Variants in HEPHL1 observed in about 807,000 individuals in gnomAD.
HEPHL1 encodes hephaestin like 1, also known as ferroxidase HEPHL1.
HEPHL1 carries 123 observed loss-of-function variants against 122.0 expected under a neutral mutation model. The ratio of observed to expected loss-of-function variants is 1.01; its 90% CI spans 0.87 to 1.17. The LOEUF (loss-of-function observed/expected upper bound fraction) is 1.17. Ranked by LOEUF, HEPHL1 falls within the 50% of genes most tolerant of loss-of-function variation. The pLI is 0.00. For synonymous variants in HEPHL1, 527 were observed against 508.9 expected (o/e 1.04, Z -0.48); for missense variants, 1,452 against 1,430.5 (o/e 1.01, Z -0.24).
chr11:94,045,618 C>G (rs1945826896), intron 1 of HEPHL1, 55 bp from the exon 2 acceptor site: 5 of 1,447,126 alleles, frequency 3.5e-6, no homozygotes, highest in Non-Finnish European at 3.8e-6. Context: ...TAGTGGTAAG[C>G]TATTAGGTCT....
intron 2 of HEPHL1, among the ~76,000 whole-genome samples, chr11:94,056,205 T>A (rs1206541117): frequency 2.0e-5 from 3 of 152,210 alleles, no homozygotes; most frequent in African/African-American, 7.2e-5. Flanking sequence ...TTACTTTTGC[T>A]ATTTGAATTA....
intron 2 of HEPHL1, chr11:94,055,811 G>T: frequency 2.3e-6 from 1 of 440,608 alleles, no homozygotes; most frequent in South Asian, 2.1e-5. Context: ...ATGAGAAAAT[G>T]AGTTCCTTTC....
intron 1 of HEPHL1, among the ~76,000 whole-genome samples, chr11:94,025,404 G>T (rs1945616077): frequency 6.6e-6 from 1 of 152,090 alleles, no homozygotes; most frequent in South Asian, 2.1e-4. Context: ...GTGTGTGTTT[G>T]GTGGTAAAGC....
At chr11:94,031,961 C>T (rs1301832913) in intron 1 of HEPHL1, among the ~76,000 whole-genome samples, 1 of 152,238 alleles carries the variant, frequency 6.6e-6, no homozygotes, top group Non-Finnish European at 1.5e-5. Context: ...GCAGTCTACT[C>T]TACAGTTCAC....
intron 3 of HEPHL1, 70 bp from the exon 4 acceptor site, chr11:94,064,261 A>G (rs1178454241): frequency 1.7e-6 from 2 of 1,205,076 alleles, no homozygotes; most frequent in African/African-American, 1.5e-5. Context: ...CTTGCCTGAC[A>G]CTATTGGAAG....
intron 6 of HEPHL1, among the ~76,000 whole-genome samples, chr11:94,072,717 T>C (rs1050122852): frequency 2.6e-5 from 4 of 152,162 alleles, no homozygotes; most frequent in African/African-American, 7.2e-5. Context: ...AGCTCTTTGT[T>C]ACTTTGTAGA....
At chr11:94,023,013 C>A (rs763675562) in intron 1 of HEPHL1, among the ~76,000 whole-genome samples, 2 of 152,196 alleles carry the variant, frequency 1.3e-5, no homozygotes, top group Admixed American at 6.5e-5. Context: ...GTCACTATAG[C>A]TGTGTATGGG....
chr11:94,024,836 C>A (rs1260641174), intron 1 of HEPHL1, among the ~76,000 whole-genome samples: 1 of 152,094 alleles, frequency 6.6e-6, no homozygotes, highest in Non-Finnish European at 1.5e-5. Context: ...TTCAATAATC[C>A]CCCTTCCCTG....
intron 17 of HEPHL1, among the ~76,000 whole-genome samples, chr11:94,110,323 T>G (rs1946438434): frequency 1.3e-5 from 2 of 152,202 alleles, no homozygotes. Context: ...ACTAGTTGGT[T>G]GATTCAGAAT....
intron 17 of HEPHL1, among the ~76,000 whole-genome samples, chr11:94,110,686 G>T (rs1254877784): frequency 6.6e-6 from 1 of 152,132 alleles, no homozygotes; most frequent in Non-Finnish European, 1.5e-5. Flanking sequence ...ATGGAAGCTG[G>T]CTACTACAGA....
chr11:94,058,812 C>T (rs1189340697), intron 2 of HEPHL1, among the ~76,000 whole-genome samples: 1 of 152,104 alleles, frequency 6.6e-6, no homozygotes, highest in Non-Finnish European at 1.5e-5. Flanking sequence ...GCAATCCTCA[C>T]ATCTTGGCAT....
intron 1 of HEPHL1, among the ~76,000 whole-genome samples, chr11:94,041,254 C>T (rs1945775385): frequency 6.7e-6 from 1 of 150,134 alleles, no homozygotes; most frequent in East Asian, 2.0e-4. Flanking sequence ...ACATTCCATG[C>T]TCATGGGTAG....
chr11:94,035,042 C>A (rs1461891491), intron 1 of HEPHL1, among the ~76,000 whole-genome samples: 2 of 152,174 alleles, frequency 1.3e-5, no homozygotes, highest in Non-Finnish European at 1.5e-5. Context: ...GATACAATTA[C>A]ATCTAAATGC....
chr11:94,078,896 A>T (rs542564534), intron 9 of HEPHL1, among the ~76,000 whole-genome samples: 1 of 152,238 alleles, frequency 6.6e-6, no homozygotes, highest in South Asian at 2.1e-4. Context: ...GTGAGCAAAA[A>T]TCTGGGCACA....
chr11:94,086,912 T>G (rs775172565), intron 11 of HEPHL1, among the ~76,000 whole-genome samples: 7 of 152,170 alleles, frequency 4.6e-5, no homozygotes, highest in Non-Finnish European at 1.0e-4. Context: ...CAAACCAATT[T>G]TTTCATCAGT....
chr11:94,029,283 T>C (rs1945652994), intron 1 of HEPHL1, among the ~76,000 whole-genome samples: 2 of 152,202 alleles, frequency 1.3e-5, no homozygotes, highest in African/African-American at 4.8e-5. Flanking sequence ...TTCTCTTCAC[T>C]GTCTGAGCAG....
chr11:94,083,772 A>C (rs1157733839), intron 10 of HEPHL1, among the ~76,000 whole-genome samples: 1 of 148,182 alleles, frequency 6.7e-6, no homozygotes, highest in Non-Finnish European at 1.5e-5. Flanking sequence ...AGTACATTTC[A>C]GTGTCATCTT....
Position 94,113,488 on chromosome 11 carries a change from T to C in HEPHL1, c.*1594T>C, listed in dbSNP as rs565855531. ...GTTCATAGTTTGCTTGAATGTCATA[T>C]CAAACAGCATACACAAAAGATTTTG... is the stretch of plus-strand genomic sequence containing the variant. On this transcript the variant is annotated 3_prime_UTR_variant, in exon 20 of 20. Coordinates refer to ENST00000315765, the MANE Select transcript of HEPHL1 (RefSeq NM_001098672.2). The C allele has an allele frequency of 3.3e-5, 5 of 152,330 alleles. No individual in the cohort carries two copies. The highest frequency in any genetic ancestry group is 7.3e-5 in the Non-Finnish European group (5 of 68,032). 9.4% of individuals were successfully genotyped at this position (152,330 alleles called of 1,614,324 possible). A position where few individuals can be genotyped will look rare whatever the true frequency, so the allele number is the denominator to read the frequency against.
chr11:94,085,196 G>A (rs564563593), intron 10 of HEPHL1, among the ~76,000 whole-genome samples: 58 of 152,222 alleles, frequency 3.8e-4, no homozygotes, highest in African/African-American at 1.2e-3. Context: ...GTGAGAATGC[G>A]GTTTCTAAAT....
Sources: gnomAD v4.1 joint callset for allele counts (sites outside exome capture counted in the v4.1 genomes callset) on GRCh38, gnomAD v4.1.1 for gene constraint, MANE v1.5 for transcripts, NCBI Gene and HGNC (gene_info 2026-07-23, HGNC 2026-07-21) for gene names.